FANCD2OS: variants seen among roughly 807,000 people sequenced by gnomAD.
FANCD2OS encodes the protein FANCD2 opposite strand.
Under a neutral mutation model 13.2 loss-of-function variants are expected in FANCD2OS, and 11 were observed. The ratio of observed to expected loss-of-function variants is 0.83; its 90% CI spans 0.52 to 1.38. FANCD2OS has a LOEUF of 1.38. FANCD2OS is among the 40% of genes most tolerant of loss of function. The pLI is 0.00. For synonymous variants in FANCD2OS, 69 were observed against 84.5 expected (o/e 0.82, Z 1.01); for missense variants, 217 against 213.9 (o/e 1.01, Z -0.09).
At chr3:10,099,143 G>T (rs1231972897), downstream of FANCD2OS, 58 of 1,464,206 alleles carry the variant, frequency 4.0e-5, no homozygotes, top group East Asian at 1.4e-3. Context: ...TTTTCTGAGT[G>T]TTGAGAAGAA....
intron 2 of FANCD2OS, chr3:10,094,371 C>A: frequency 6.2e-7 from 1 of 1,610,430 alleles, no homozygotes; most frequent in Non-Finnish European, 8.5e-7. Context: ...CGGGTAAGAG[C>A]TAAGAGCAGA....
chr3:10,103,047 A>G, downstream of FANCD2OS: 1 of 439,694 alleles, frequency 2.3e-6, no homozygotes, highest in African/African-American at 2.1e-5. Flanking sequence ...GCTTGAGTCC[A>G]GGAGTTCAAG....
chr3:10,107,486 C>T (rs1695532061), intron 1 of FANCD2OS, among the ~76,000 whole-genome samples: 1 of 151,884 alleles, frequency 6.6e-6, no homozygotes, highest in Non-Finnish European at 1.5e-5. Context: ...CAGGGTTTCA[C>T]CGTGTTAGCC....
At chr3:10,105,801 T>TTG in intron 1 of FANCD2OS, among the ~76,000 whole-genome samples, 1 of 75,476 alleles carries the variant, frequency 1.3e-5, no homozygotes, top group African/African-American at 8.2e-5. Flanking sequence ...TATATATATA[T>TTG]ATATATATAT....
intron 1 of FANCD2OS, among the ~76,000 whole-genome samples, chr3:10,105,815 T>TATATAG (rs1695482518): frequency 1.2e-5 from 1 of 81,026 alleles, no homozygotes; most frequent in African/African-American, 5.6e-5. Flanking sequence ...TATATATATA[T>TATATAG]ATATATTTTG....
chr3:10,096,903 C>T (rs761479186), intron 2 of FANCD2OS, among the ~76,000 whole-genome samples: 19 of 152,072 alleles, frequency 1.2e-4, no homozygotes, highest in East Asian at 1.9e-4. Flanking sequence ...GGACCTGCCC[C>T]GATAATCACG....
rs763010610 is a variant in FANCD2OS, at chr3:10,096,292, TCA to T, written c.*43+7904_*43+7905del. 21 of 1,611,744 alleles carry T rather than the reference TCA, an allele frequency of 1.3e-5. No homozygotes were observed. The East Asian group carries it at 4.5e-4, about 34-fold the overall frequency. ...GAAATGTGAAGGCATGATGATAAAC[TCA>T]CAAAAGATGGATGTTATTTATTTCC... On this transcript the variant is annotated intron_variant, in intron 2 of 2. Coordinates refer to the FANCD2OS transcript ENST00000524279.
At chr3:10,089,932 G>T (rs1200090346) in intron 2 of FANCD2OS, among the ~76,000 whole-genome samples, 1 of 152,122 alleles carries the variant, frequency 6.6e-6, no homozygotes, top group Non-Finnish European at 1.5e-5. Context: ...TGTGAGGTTG[G>T]TATCATTGCC....
chr3:10,082,995 G>A (rs1485897712), intron 2 of FANCD2OS, among the ~76,000 whole-genome samples: 1 of 152,188 alleles, frequency 6.6e-6, no homozygotes, highest in Non-Finnish European at 1.5e-5. Flanking sequence ...GGGAGGCCAA[G>A]GTGGGTGGAT....
In FANCD2OS at chr3:10,104,536, C is replaced by T. The variant is rs759648564; in HGVS notation, c.239G>A (p.Arg80His). The T allele has an allele frequency of 9.9e-6, 16 of 1,614,002 alleles. No homozygotes were observed. In the East Asian group the frequency reaches 1.8e-4, roughly 18 times the overall value. The change falls in exon 2 of 2, where the codon CGC becomes CAC. Residue 80 changes from arginine (R) to histidine (H), a missense_variant. By Grantham distance (29) the Arg-to-His change is conservative. Coordinates refer to ENST00000450660, the MANE Select transcript of FANCD2OS (RefSeq NM_001164839.2). Reference protein sequence around the residue: ...PKLPCHTSELRTMNNKGLVRK... With the variant: ...PKLPCHTSELHTMNNKGLVRK... ...GACCAGTCCTTTGTTGTTCATCGTG[C>T]GCAACTCTGATGTGTGGCAGGGTAA...
intron 2 of FANCD2OS, chr3:10,095,072 G>A (rs531340070): frequency 3.9e-6 from 3 of 767,202 alleles, no homozygotes; most frequent in African/African-American, 1.7e-5. Context: ...GGCAAATTAA[G>A]ATGATTATCA....
At chr3:10,099,061 C>T (rs999607785), downstream of FANCD2OS, 3 of 1,579,892 alleles carry the variant, frequency 1.9e-6, no homozygotes, top group Non-Finnish European at 2.6e-6. Context: ...TGACAATTTT[C>T]TGCATTATAG....
rs1333984512 is a variant in FANCD2OS at position 10,104,204 on chromosome 3, G to T, written c.*37C>A. The stretch of plus-strand genomic sequence containing the variant: ...GTAAGCTTTAGGTACATACCAAAGG[G>T]CATGGTGTGAGTAAATGGGGATCAA... On this transcript the variant is annotated 3_prime_UTR_variant, in exon 2 of 2. Transcript: ENST00000450660. 2.0e-6 allele frequency: 3 copies of T among 1,538,194 alleles called. No individual in the cohort carries two copies. The South Asian group carries it at 3.7e-5, about 19-fold the overall frequency.
intron 2 of FANCD2OS, chr3:10,088,756 A>C: frequency 6.7e-7 from 1 of 1,497,020 alleles, no homozygotes; most frequent in Non-Finnish European, 9.3e-7. Flanking sequence ...CAGATCATAG[A>C]GGAATTAGAG....
chr3:10,086,518 G>T (rs1229189781), intron 2 of FANCD2OS, among the ~76,000 whole-genome samples: 3 of 151,890 alleles, frequency 2.0e-5, no homozygotes, highest in African/African-American at 7.2e-5. Flanking sequence ...TTGAGAGAGA[G>T]TCTCACTTTG....
At chr3:10,085,724 T>C (rs1694153521) in intron 2 of FANCD2OS, 1 of 861,610 alleles carries the variant, frequency 1.2e-6, no homozygotes, top group Non-Finnish European at 2.0e-6. Context: ...AAACTATTGA[T>C]GGTACAGACT....
At chr3:10,090,132 T>C (rs1342725188) in intron 2 of FANCD2OS, among the ~76,000 whole-genome samples, 1 of 152,212 alleles carries the variant, frequency 6.6e-6, no homozygotes, top group Non-Finnish European at 1.5e-5. Context: ...CTTGGGCTTA[T>C]TACTGAGTCC....
At chr3:10,093,160 G>GT in intron 2 of FANCD2OS, 1 of 733,204 alleles carries the variant, frequency 1.4e-6, no homozygotes, top group East Asian at 2.5e-5. Context: ...TAATTTAAAT[G>GT]TTGACATTCC....
At chr3:10,090,980 T>G (rs2125083147) in intron 2 of FANCD2OS, among the ~76,000 whole-genome samples, 1 of 152,178 alleles carries the variant, frequency 6.6e-6, no homozygotes, top group African/African-American at 2.4e-5. Flanking sequence ...CTGTTTGAGA[T>G]ACTGTGGATC....
Sources: allele counts gnomAD v4.1 joint callset (sites outside exome capture counted in the v4.1 genomes callset), GRCh38; gene constraint gnomAD v4.1.1; transcripts MANE v1.5; gene names NCBI Gene and HGNC (gene_info 2026-07-23, HGNC 2026-07-21).